TASP1: variants seen among roughly 807,000 people sequenced by gnomAD.
The protein encoded by TASP1 is taspase 1, also known as threonine aspartase 1.
TASP1 carries 16 observed loss-of-function variants against 56.6 expected under a neutral mutation model. That is an observed-to-expected ratio of 0.28 (90% CI 0.19 to 0.43). The LOEUF is 0.43. Ranked by LOEUF, TASP1 falls within the 20% of genes least tolerant of loss-of-function variation. TASP1 has a pLI of 1.00. For synonymous variants in TASP1, 179 were observed against 184.2 expected (o/e 0.97, Z 0.23); for missense variants, 393 against 511.6 (o/e 0.77, Z 2.24).
Position 13,454,661 on chromosome 20 carries a change from C to T in TASP1, c.986-19507G>A, listed in dbSNP as rs371992193. 1.4e-4 allele frequency among the ~76,000 whole-genome samples: 21 copies of T among 152,272 alleles called. No individual in the cohort carries two copies. In the East Asian group the frequency reaches 3.7e-3, roughly 27 times the overall value. ...CATTTCAACCAGATTATTTATATGT[C>T]CCCTTGTCATTACATGATATCAAGT... On this transcript the variant is annotated intron_variant, in intron 11 of 13. Coordinates refer to ENST00000337743, the MANE Select transcript of TASP1 (RefSeq NM_017714.3).
chr20:13,483,877 C>A (rs6134879), intron 10 of TASP1, among the ~76,000 whole-genome samples: 5 of 151,384 alleles, frequency 3.3e-5, no homozygotes. Context: ...AGGCAACCTA[C>A]AGAATGGGAG....
chr20:13,270,055 G>T, the TASP1 span, among the ~76,000 whole-genome samples: 5 of 152,236 alleles, frequency 3.3e-5, no homozygotes, highest in African/African-American at 1.2e-4. Flanking sequence ...TATGGCCCAA[G>T]AACTATATCC....
intron 10 of TASP1, 49 bp from the exon 11 acceptor site, chr20:13,483,386 CCTG>C: frequency 7.7e-7 from 1 of 1,303,096 alleles, no homozygotes; most frequent in African/African-American, 1.5e-5. Flanking sequence ...CACCGAACAC[CCTG>C]CTTATTTCAA....
At chr20:13,601,868 CTTTTTTTT>C (rs61111564) in intron 4 of TASP1, among the ~76,000 whole-genome samples, 2 of 53,556 alleles carry the variant, frequency 3.7e-5, no homozygotes, top group Non-Finnish European at 6.2e-5. Flanking sequence ...TAACCCCATT[CTTTTTTTT>C]TTTTTTTTTT....
At chr20:13,288,461 T>A in the TASP1 span, 1 of 1,465,586 alleles carries the variant, frequency 6.8e-7, no homozygotes, top group Non-Finnish European at 9.4e-7. Context: ...TAGAAGTGAA[T>A]AATTGACAGG....
the TASP1 span, among the ~76,000 whole-genome samples, chr20:13,182,714 C>G: frequency 6.6e-6 from 1 of 152,188 alleles, no homozygotes; most frequent in South Asian, 2.1e-4. Flanking sequence ...CTTTTATTCA[C>G]AGCACCAAGA....
At chr20:13,215,337 T>C in the TASP1 span, among the ~76,000 whole-genome samples, 8 of 152,370 alleles carry the variant, frequency 5.3e-5, no homozygotes, top group African/African-American at 1.9e-4. Context: ...TTCTCTTTTT[T>C]GCCTGGAAAT....
the TASP1 span, among the ~76,000 whole-genome samples, chr20:13,208,205 C>T: frequency 1.3e-5 from 2 of 152,132 alleles, no homozygotes; most frequent in African/African-American, 4.8e-5. Flanking sequence ...CTTATGGGCT[C>T]AGGATGAAAC....
chr20:13,190,654 C>T, the TASP1 span, among the ~76,000 whole-genome samples: 2 of 152,066 alleles, frequency 1.3e-5, no homozygotes, highest in Admixed American at 1.3e-4. Context: ...TGGGTAAACA[C>T]TTTAGGACAC....
chr20:13,553,988 G>A (rs2046068694), intron 8 of TASP1, among the ~76,000 whole-genome samples: 1 of 152,238 alleles, frequency 6.6e-6, no homozygotes, highest in Middle Eastern at 3.4e-3. Flanking sequence ...AACTACTAAG[G>A]AGAAGTTTAT....
At chr20:13,604,889 C>T (rs2048090523) in intron 4 of TASP1, among the ~76,000 whole-genome samples, 1 of 151,608 alleles carries the variant, frequency 6.6e-6, no homozygotes, top group Admixed American at 6.6e-5. Flanking sequence ...CATACACTCA[C>T]CACAGACTCA....
chr20:13,468,857 G>GTC (rs2044362207), intron 11 of TASP1, among the ~76,000 whole-genome samples: 1 of 125,954 alleles, frequency 7.9e-6, no homozygotes, highest in Non-Finnish European at 1.8e-5. Flanking sequence ...GTTTTTTTAT[G>GTC]TGTGTGTGTT....
chr20:13,188,000 A>G, the TASP1 span, among the ~76,000 whole-genome samples: 1 of 152,146 alleles, frequency 6.6e-6, no homozygotes, highest in African/African-American at 2.4e-5. Flanking sequence ...CTCCCTTGTT[A>G]ATAGGGTTAA....
At chr20:13,544,175 G>A (rs2045721721) in intron 8 of TASP1, among the ~76,000 whole-genome samples, 1 of 152,104 alleles carries the variant, frequency 6.6e-6, no homozygotes, top group African/African-American at 2.4e-5. Flanking sequence ...TAAAAAAATT[G>A]TATTTCTTGA....
At chr20:13,254,573 C>T in the TASP1 span, among the ~76,000 whole-genome samples, 1 of 152,268 alleles carries the variant, frequency 6.6e-6, no homozygotes, top group South Asian at 2.1e-4. Context: ...TCAGTGGTGA[C>T]TTGGTCACAG....
At chr20:13,353,715 G>T in the TASP1 span, among the ~76,000 whole-genome samples, 1 of 152,146 alleles carries the variant, frequency 6.6e-6, no homozygotes, top group African/African-American at 2.4e-5. Context: ...CAACTGCCCA[G>T]GCTCTGACAT....
chr20:13,239,493 T>G, the TASP1 span: 1 of 152,256 alleles, frequency 6.6e-6, no homozygotes, highest in Non-Finnish European at 1.5e-5. Flanking sequence ...GGAATTATTG[T>G]GGTGTGCCCC....
the TASP1 span, among the ~76,000 whole-genome samples, chr20:13,280,758 C>T: frequency 6.6e-6 from 1 of 152,176 alleles, no homozygotes; most frequent in Non-Finnish European, 1.5e-5. Context: ...GGTCACATGG[C>T]CCCACCTTGG....
chr20:13,207,427 CA>C, the TASP1 span, among the ~76,000 whole-genome samples: 1 of 152,190 alleles, frequency 6.6e-6, no homozygotes, highest in Non-Finnish European at 1.5e-5. Flanking sequence ...GATAGATAGA[CA>C]TAGACAGACA....
Sources: allele counts gnomAD v4.1 joint callset (sites outside exome capture counted in the v4.1 genomes callset), GRCh38; gene constraint gnomAD v4.1.1; transcripts MANE v1.5; gene names NCBI Gene and HGNC (gene_info 2026-07-23, HGNC 2026-07-21).